Variants in PCDHGA2 observed in about 807,000 individuals in gnomAD.
The protein encoded by PCDHGA2 is protocadherin gamma-A2.
Under a neutral mutation model 59.2 loss-of-function variants are expected in PCDHGA2, and 40 were observed. That is an observed-to-expected ratio of 0.68 (90% CI 0.52 to 0.88). The LOEUF is 0.88. Ranked by LOEUF, PCDHGA2 falls within the 40% of genes least tolerant of loss-of-function variation. PCDHGA2 has a pLI of 0.00. For missense variants in PCDHGA2, 1,226 were observed against 1,204.0 expected (o/e 1.02, Z -0.27); for synonymous variants, 560 against 526.0 (o/e 1.06, Z -0.89).
At chr5:141,359,614 T>C (rs76024050) in intron 1 of PCDHGA2, among the ~76,000 whole-genome samples, 89 of 151,982 alleles carry the variant, frequency 5.9e-4, no homozygotes, top group African/African-American at 2.0e-3. Context: ...CAGAATATGG[T>C]ATGTTGTATG....
chr5:141,360,868 G>A (rs1389190862), intron 1 of PCDHGA2: 1 of 1,614,012 alleles, frequency 6.2e-7, no homozygotes, highest in Non-Finnish European at 8.5e-7. Flanking sequence ...GTTCAGCCAG[G>A]ACGTGTACAG....
chr5:141,422,513 G>T, intron 1 of PCDHGA2: 2 of 1,614,000 alleles, frequency 1.2e-6, no homozygotes, highest in Non-Finnish European at 1.7e-6. Context: ...ACAGACCAGG[G>T]AAGCCCGCCT....
chr5:141,433,367 C>CTATA, intron 1 of PCDHGA2: 2 of 549,818 alleles, frequency 3.6e-6, no homozygotes, highest in South Asian at 4.5e-5. Flanking sequence ...GCCTATCTAT[C>CTATA]TATCTATCTA....
At chr5:141,389,142 G>A (rs72790030) in intron 1 of PCDHGA2, 42,481 of 1,613,950 alleles carry the variant, frequency 0.026, 745 homozygotes, top group East Asian at 0.04. Flanking sequence ...CAATATAACC[G>A]TTACGGCAAC....
chr5:141,439,172 G>A (rs1181712838), intron 1 of PCDHGA2, among the ~76,000 whole-genome samples: 1 of 147,496 alleles, frequency 6.8e-6, no homozygotes, highest in Admixed American at 6.8e-5. Context: ...CAGCCTGGGC[G>A]ACATAGTGAG....
At chr5:141,358,601 T>C (rs931374917) in intron 1 of PCDHGA2, among the ~76,000 whole-genome samples, 5 of 152,228 alleles carry the variant, frequency 3.3e-5, no homozygotes, top group Non-Finnish European at 5.9e-5. Context: ...ACTCCTGTGA[T>C]TATGAGAAAT....
At chr5:141,423,001 G>A in intron 1 of PCDHGA2, 2 of 1,614,230 alleles carry the variant, frequency 1.2e-6, no homozygotes, top group Non-Finnish European at 1.7e-6. Flanking sequence ...GGTGACCAAG[G>A]TGGTTGCGGT....
At chr5:141,495,779 C>A (rs529564820) in intron 2 of PCDHGA2, among the ~76,000 whole-genome samples, 53 of 152,094 alleles carry the variant, frequency 3.5e-4, no homozygotes, top group Non-Finnish European at 4.6e-4. Flanking sequence ...TCCTGGACCT[C>A]TTTTCTGTTT....
At chr5:141,346,223 C>T (rs376373404) in intron 1 of PCDHGA2, 48 of 1,614,092 alleles carry the variant, frequency 3.0e-5, no homozygotes, top group African/African-American at 2.0e-4. Context: ...CTTCGGGAGG[C>T]GGCTTGGCGA....
intron 1 of PCDHGA2, among the ~76,000 whole-genome samples, chr5:141,347,821 T>G (rs931983168): frequency 2.0e-5 from 3 of 151,468 alleles, no homozygotes; most frequent in Non-Finnish European, 4.4e-5. Context: ...GGTCAAATGG[T>G]TTTACCTATA....
chr5:141,351,323 G>C (rs1326758145), intron 1 of PCDHGA2: 1 of 1,613,832 alleles, frequency 6.2e-7, no homozygotes, highest in Admixed American at 1.7e-5. Context: ...GATTCCAGAG[G>C]ATTCAGACCT....
chr5:141,388,394 C>G lies in PCDHGA2; in HGVS notation c.2424+46999C>G, dbSNP rs371227077. 5 of 1,613,846 alleles carry G rather than the reference C, an allele frequency of 3.1e-6. No individual in the cohort carries two copies. In the African/African-American group the frequency reaches 4.0e-5, roughly 13 times the overall value. ...TTGGTAGCAACACACTGCAGAATTA[C>G]CAACTCAGTCCCAGTGATCATTTCT... On this transcript the variant is annotated intron_variant, in intron 1 of 3. Coordinates refer to ENST00000394576, the MANE Select transcript of PCDHGA2 (RefSeq NM_018915.4).
At position 141,477,055 on chromosome 5, in the gene PCDHGA2, G is replaced by A. The variant is rs531755338; in HGVS notation, c.2425-17752G>A. Reference sequence around the variant, plus strand: ...CAATCAAGGGTCGGCTGGACTTCGAGGACACCAAACTCCATGAGATTTACA... The same window carrying A: ...CAATCAAGGGTCGGCTGGACTTCGAAGACACCAAACTCCATGAGATTTACA... On this transcript the variant is annotated intron_variant, in intron 1 of 3. Transcript: ENST00000394576. This position sits in a 1 kb window ranked among gnomAD's most constrained non-coding sequence, Gnocchi z 4.9. The A allele has an allele frequency of 4.5e-5, 72 of 1,614,242 alleles. 1 individual carries two copies. In the South Asian group the frequency reaches 7.8e-4, roughly 17 times the overall value.
At chr5:141,381,530 T>C (rs1035264051) in intron 1 of PCDHGA2, among the ~76,000 whole-genome samples, 1 of 152,196 alleles carries the variant, frequency 6.6e-6, no homozygotes. Context: ...TTGAATTGCA[T>C]ACTAGGATGA....
At chr5:141,429,500 A>C (rs1050435175) in intron 1 of PCDHGA2, among the ~76,000 whole-genome samples, 1 of 152,148 alleles carries the variant, frequency 6.6e-6, no homozygotes, top group Non-Finnish European at 1.5e-5. Flanking sequence ...CAGTTGCCTG[A>C]AACTGTGCCT....
chr5:141,371,799 GCCT>G, intron 1 of PCDHGA2: 21 of 1,613,926 alleles, frequency 1.3e-5, no homozygotes, highest in Non-Finnish European at 1.7e-5. Context: ...TCCGCCTGGA[GCCT>G]CCATTGCGCA....
At chr5:141,370,542 C>A in intron 1 of PCDHGA2, 1 of 1,613,902 alleles carries the variant, frequency 6.2e-7, no homozygotes, top group Non-Finnish European at 8.5e-7. Flanking sequence ...GGTAGGGAAC[C>A]TCGCCAAGGA....
At chr5:141,423,427 G>T (rs2096739583) in intron 1 of PCDHGA2, 1 of 1,613,892 alleles carries the variant, frequency 6.2e-7, no homozygotes, top group Non-Finnish European at 8.5e-7. Flanking sequence ...AGGCGGGTTG[G>T]CAGGTATGCC....
Position 141,486,446 on chromosome 5 carries a change from G to T in PCDHGA2, c.2425-8361G>T. ...GGCCAAATCTAGCTATGACATCATGGTCACTGCTTCTGATGCTGGGAACCC... is the reference window on the plus strand; with the variant it reads ...GGCCAAATCTAGCTATGACATCATGTTCACTGCTTCTGATGCTGGGAACCC... On this transcript the variant is annotated intron_variant, in intron 1 of 3. Coordinates refer to ENST00000394576, the MANE Select transcript of PCDHGA2 (RefSeq NM_018915.4). The surrounding 1 kb of genome is among the most constrained non-coding windows in gnomAD (Gnocchi z 5.0). 2 of 1,614,126 alleles carry T rather than the reference G, an allele frequency of 1.2e-6. No individual in the cohort carries two copies. Among genetic ancestry groups the T allele is most frequent in the Non-Finnish European group, 1.7e-6 (2 of 1,180,004 alleles).
Sources: allele counts gnomAD v4.1 joint callset (sites outside exome capture counted in the v4.1 genomes callset), GRCh38; gene constraint gnomAD v4.1.1; non-coding constraint Gnocchi (gnomAD v3.1); transcripts MANE v1.5; gene names NCBI Gene and HGNC (gene_info 2026-07-23, HGNC 2026-07-21).